GPATCH8: variants seen among roughly 807,000 people sequenced by gnomAD.
GPATCH8 encodes the protein G-patch domain containing 8.
GPATCH8 carries 18 observed loss-of-function variants against 118.3 expected under a neutral mutation model. That is an observed-to-expected ratio of 0.15 (90% CI 0.11 to 0.23). The LOEUF (loss-of-function observed/expected upper bound fraction) is 0.23. Among genes scored for constraint, GPATCH8 ranks in the 10% least tolerant of loss-of-function variants. The probability of loss-of-function intolerance (pLI) is 1.00; values close to 1 mark genes in which losing one functional copy is unlikely to be tolerated. For missense variants in GPATCH8, 1,631 were observed against 1,873.8 expected (o/e 0.87, Z 2.39); for synonymous variants, 659 against 684.7 (o/e 0.96, Z 0.59).
At chr17:44,487,544 C>T (rs1033443370) in intron 1 of GPATCH8, among the ~76,000 whole-genome samples, 10 of 152,136 alleles carry the variant, frequency 6.6e-5, no homozygotes, top group Non-Finnish European at 1.2e-4. Flanking sequence ...CTGGATTGAA[C>T]GGTAAAAAAT....
intron 1 of GPATCH8, among the ~76,000 whole-genome samples, chr17:44,482,447 G>A (rs1968330536): frequency 6.6e-6 from 1 of 151,346 alleles, no homozygotes; most frequent in African/African-American, 2.4e-5. Context: ...GGTGGCGGGC[G>A]CCTGTAATCT....
chr17:44,484,491 CA>C (rs1968617956), intron 1 of GPATCH8, among the ~76,000 whole-genome samples: 1 of 152,066 alleles, frequency 6.6e-6, no homozygotes, highest in Admixed American at 6.5e-5. Context: ...AAGTTGGCTA[CA>C]AAAAACACGG....
intron 1 of GPATCH8, among the ~76,000 whole-genome samples, chr17:44,492,297 CAA>C (rs760386945): frequency 1.2e-4 from 9 of 76,224 alleles, no homozygotes; most frequent in Admixed American, 1.7e-4. Context: ...TGAGACGTCT[CAA>C]AAAAAAAAAA....
chr17:44,403,737 C>T (rs1203025942), intron 7 of GPATCH8, among the ~76,000 whole-genome samples: 7 of 151,392 alleles, frequency 4.6e-5, no homozygotes, highest in South Asian at 4.2e-4. Context: ...CTTGTTGCCC[C>T]GGCTGGAGTG....
intron 1 of GPATCH8, among the ~76,000 whole-genome samples, chr17:44,489,378 T>C (rs542151770): frequency 1.3e-4 from 19 of 151,612 alleles, no homozygotes; most frequent in Middle Eastern, 3.4e-3. Flanking sequence ...GGAGTCTCTG[T>C]CACCCAGGCT....
intron 3 of GPATCH8, among the ~76,000 whole-genome samples, chr17:44,437,158 A>G (rs1212608964): frequency 6.6e-6 from 1 of 152,206 alleles, no homozygotes; most frequent in Non-Finnish European, 1.5e-5. Context: ...AGTTGCCCTT[A>G]GAGAAAAGAA....
In GPATCH8 at chr17:44,430,158, G is replaced by A. The variant is rs937832031; in HGVS notation, c.348+4907C>T. On this transcript the variant is annotated intron_variant, in intron 5 of 7. Transcript: ENST00000591680. ...TTAAAAAACCATTTTAAAATGCAAG[G>A]GAAAATAGAAGAGGAAGGAACACTT... is the stretch of plus-strand genomic sequence containing the variant. Among the ~76,000 whole-genome samples, 4 of 137,028 alleles carry A rather than the reference G, an allele frequency of 2.9e-5. 1 individual carries two copies. The highest frequency in any genetic ancestry group is 9.1e-3 in the Middle Eastern group (2 of 220). The allele number at this position is 137,028 out of a possible 152,430, so 89.9% of individuals were successfully genotyped here.
intron 1 of GPATCH8, among the ~76,000 whole-genome samples, chr17:44,479,059 G>T (rs2144401059): frequency 6.6e-6 from 1 of 152,246 alleles, no homozygotes; most frequent in Admixed American, 6.5e-5. Flanking sequence ...AACAAAAAGA[G>T]AATTGCCCCA....
intron 6 of GPATCH8, among the ~76,000 whole-genome samples, chr17:44,410,846 C>A (rs1320489483): frequency 6.6e-5 from 10 of 152,180 alleles, no homozygotes; most frequent in Non-Finnish European, 1.5e-4. Flanking sequence ...AAGACCCTAA[C>A]AAATGATCCA....
intron 2 of GPATCH8, among the ~76,000 whole-genome samples, chr17:44,470,136 G>GT (rs1309359709): frequency 1.3e-5 from 2 of 152,190 alleles, no homozygotes; most frequent in East Asian, 1.9e-4. Context: ...AACCACAACA[G>GT]TAACAACATG....
In GPATCH8 at chr17:44,398,201, C is replaced by G; in HGVS notation, c.3876G>C (p.Glu1292Asp). The G allele has an allele frequency of 1.9e-6, 3 of 1,613,588 alleles. No individual in the cohort carries two copies. Among genetic ancestry groups the G allele is most frequent in the Middle Eastern group, 1.7e-4 (1 of 6,056 alleles). Residue 1292 changes from glutamate (E) to aspartate (D), a missense_variant, in exon 8 of 8, where the codon GAG becomes GAC. Physicochemically the swap from Glu to Asp is conservative, Grantham distance 45. Transcript: ENST00000591680. ...AAGCATCCTCAGCCCCATCTGTTGA[C>G]TCAATACTAGGATCCCCACTGGGAG... ...YAPPSGDPSI[E>D]STDGAEDASL... is the part of the protein sequence containing the mutation.
At chr17:44,403,368 C>T (rs997344429) in intron 7 of GPATCH8, among the ~76,000 whole-genome samples, 5 of 151,984 alleles carry the variant, frequency 3.3e-5, no homozygotes, top group African/African-American at 4.8e-5. Context: ...CCACCATGCT[C>T]GGCCCATGCT....
chr17:44,432,729 G>A (rs556981484), intron 5 of GPATCH8, among the ~76,000 whole-genome samples: 2 of 152,206 alleles, frequency 1.3e-5, no homozygotes, highest in South Asian at 2.1e-4. Context: ...AAAAAATATA[G>A]GAGAATAAAG....
intron 6 of GPATCH8, chr17:44,408,977 C>T (rs1567948331): frequency 1.3e-5 from 2 of 152,174 alleles, no homozygotes; most frequent in African/African-American, 2.4e-5. Flanking sequence ...AACCTTGAGA[C>T]AGGACTCAGC....
At chr17:44,452,963 G>T (rs1359813285) in intron 3 of GPATCH8, among the ~76,000 whole-genome samples, 1 of 152,096 alleles carries the variant, frequency 6.6e-6, no homozygotes, top group Non-Finnish European at 1.5e-5. Flanking sequence ...AGGTGGCTGG[G>T]ACTACAGGCA....
intron 5 of GPATCH8, among the ~76,000 whole-genome samples, chr17:44,433,857 T>C (rs1457984765): frequency 6.6e-6 from 1 of 152,142 alleles, no homozygotes; most frequent in Non-Finnish European, 1.5e-5. Context: ...AGAAAGAGTA[T>C]GCCAGGCGCA....
At chr17:44,483,173 AAAAATATAT>A (rs1968436023) in intron 1 of GPATCH8, among the ~76,000 whole-genome samples, 1 of 25,882 alleles carries the variant, frequency 3.9e-5, no homozygotes, top group African/African-American at 1.2e-4. Flanking sequence ...AAAAAAAAAA[AAAAATATAT>A]ATATATATAT....
chr17:44,397,341 G>A lies in GPATCH8; in HGVS notation c.*227C>T. ...TGGTGTTCCCTAGCTTAGAAACACAGAAGAGGGAGGGACAAATTGAGAGGA... is the reference window on the plus strand; with the variant it reads ...TGGTGTTCCCTAGCTTAGAAACACAAAAGAGGGAGGGACAAATTGAGAGGA... On this transcript the variant is annotated 3_prime_UTR_variant, in exon 8 of 8. Coordinates refer to ENST00000591680, the MANE Select transcript of GPATCH8 (RefSeq NM_001002909.4). 1.5e-6 allele frequency: 1 copy of A among 676,574 alleles called. No homozygotes were observed. Among genetic ancestry groups the A allele is most frequent in the East Asian group, 2.8e-5 (1 of 35,150 alleles). 41.9% of individuals were successfully genotyped at this position (676,574 alleles called of 1,614,324 possible). A position where few individuals can be genotyped will look rare whatever the true frequency, so the allele number is the denominator to read the frequency against.
At chr17:44,422,576 G>A (rs1007287711) in intron 6 of GPATCH8, among the ~76,000 whole-genome samples, 1 of 151,440 alleles carries the variant, frequency 6.6e-6, no homozygotes, top group African/African-American at 2.4e-5. Context: ...TGCAAGCTCC[G>A]CCTCCCGGGT....
Sources: allele counts gnomAD v4.1 joint callset (sites outside exome capture counted in the v4.1 genomes callset), GRCh38; gene constraint gnomAD v4.1.1; transcripts MANE v1.5; gene names NCBI Gene and HGNC (gene_info 2026-07-23, HGNC 2026-07-21).